Variants in PAPPA2 observed in about 807,000 individuals in gnomAD.
PAPPA2 encodes the protein pappalysin 2.
In PAPPA2, 86 loss-of-function variants were observed where a neutral mutation model predicts 176.4. That is an observed-to-expected ratio of 0.49 (90% CI 0.41 to 0.58). PAPPA2 has a LOEUF of 0.58. Among genes scored for constraint, PAPPA2 ranks in the 20% least tolerant of loss-of-function variants. The pLI, the probability that PAPPA2 is intolerant of heterozygous loss-of-function variation, is 0.00. For synonymous variants in PAPPA2, 809 were observed against 852.2 expected (o/e 0.95, Z 0.88); for missense variants, 2,073 against 2,256.9 (o/e 0.92, Z 1.65).
At chr1:176,484,316 G>C (rs1652550725) in intron 1 of PAPPA2, among the ~76,000 whole-genome samples, 1 of 152,092 alleles carries the variant, frequency 6.6e-6, no homozygotes, top group South Asian at 2.1e-4. Context: ...ATATATATGT[G>C]TATGTGTAGT....
At chr1:176,597,475 T>A (rs1400556788) in intron 3 of PAPPA2, among the ~76,000 whole-genome samples, 1 of 152,060 alleles carries the variant, frequency 6.6e-6, no homozygotes, top group Admixed American at 6.6e-5. Context: ...AAAATTCTGT[T>A]TGGAACAATG....
chr1:176,575,362 CATT>C (rs1402565767), intron 2 of PAPPA2, among the ~76,000 whole-genome samples: 4 of 152,120 alleles, frequency 2.6e-5, no homozygotes, highest in Non-Finnish European at 5.9e-5. Flanking sequence ...TTAATATAAT[CATT>C]ATAATTTTTA....
At chr1:176,637,204 A>G (rs573149724) in intron 3 of PAPPA2, among the ~76,000 whole-genome samples, 3 of 152,208 alleles carry the variant, frequency 2.0e-5, no homozygotes, top group African/African-American at 4.8e-5. Context: ...AGGATAAGGA[A>G]ATAAAAGGCT....
At position 176,518,976 on chromosome 1, in the gene PAPPA2, A is replaced by C. The variant is rs1199253197; in HGVS notation, c.-916-36431A>C. Among the ~76,000 whole-genome samples the C allele has an allele frequency of 2.6e-5, 4 of 152,238 alleles. 1 individual carries two copies. The highest frequency in any genetic ancestry group is 5.9e-5 in the Non-Finnish European group (4 of 68,038). ...TCGTTCTAGAGAGTGGAGACCAGGC[A>C]GACTTAAAATGTCTGAGATGTACTT... On this transcript the variant is annotated intron_variant, in intron 1 of 22. Transcript: ENST00000367662.
chr1:176,466,641 C>G (rs1036075285), intron 1 of PAPPA2, among the ~76,000 whole-genome samples: 1 of 152,082 alleles, frequency 6.6e-6, no homozygotes, highest in African/African-American at 2.4e-5. Context: ...TTGAATGAAT[C>G]AGAGTCTGTG....
chr1:176,730,574 C>T (rs886529296), intron 12 of PAPPA2, among the ~76,000 whole-genome samples: 20 of 150,112 alleles, frequency 1.3e-4, no homozygotes, highest in Non-Finnish European at 3.0e-5. Flanking sequence ...ATTCATCTCT[C>T]GTTTTGTTCT....
chr1:176,672,701 A>G (rs1374842954), intron 4 of PAPPA2, among the ~76,000 whole-genome samples: 1 of 152,216 alleles, frequency 6.6e-6, no homozygotes, highest in South Asian at 2.1e-4. Flanking sequence ...GCTATATGCA[A>G]ATGTATATAT....
intron 2 of PAPPA2, among the ~76,000 whole-genome samples, chr1:176,570,964 C>T (rs911597661): frequency 6.6e-6 from 1 of 152,104 alleles, no homozygotes; most frequent in African/African-American, 2.4e-5. Flanking sequence ...GTTCTCCCTT[C>T]CTGAAAGTCC....
Position 176,817,533 on chromosome 1 carries a change from G to A in PAPPA2, c.5202+17401G>A, listed in dbSNP as rs116301841. On this transcript the variant is annotated intron_variant, in intron 21 of 22. Transcript: ENST00000367662. ...GTGATAAGCAGAATGGTTAGGAGAC[G>A]GTGTCCGTATTTCAAGAGAGAAATA... 1.9e-3 allele frequency among the ~76,000 whole-genome samples: 295 copies of A among 152,176 alleles called. 1 individual carries two copies. The highest frequency in any genetic ancestry group is 6.6e-3 in the African/African-American group (276 of 41,516).
intron 3 of PAPPA2, among the ~76,000 whole-genome samples, chr1:176,613,653 C>T (rs1655052775): frequency 6.6e-6 from 1 of 152,156 alleles, no homozygotes; most frequent in Non-Finnish European, 1.5e-5. Context: ...AGTAGACTCC[C>T]TTACCTTTGT....
intron 3 of PAPPA2, among the ~76,000 whole-genome samples, chr1:176,665,834 G>T (rs1354040612): frequency 1.3e-5 from 2 of 152,124 alleles, no homozygotes; most frequent in Non-Finnish European, 2.9e-5. Context: ...AATTCACTTT[G>T]TCTGAGTTTC....
chr1:176,710,138 T>C lies in PAPPA2; in HGVS notation c.3613T>C (p.Cys1205Arg). Residue 1205 changes from cysteine (C) to arginine (R), a missense_variant, in exon 11 of 23, where the codon TGT (cysteine) becomes CGT (arginine). Physicochemically the swap from Cys to Arg is radical, Grantham distance 180. Coordinates refer to ENST00000367662, the MANE Select transcript of PAPPA2 (RefSeq NM_020318.3). ...CTCCTCTCATGAAGACAAGAAGAAG[T>C]GTCCTGTTTCCTTGGTAACTGGAGA... is the stretch of plus-strand genomic sequence containing the variant. ...AYSSHEDKKK[C>R]PVSLVTGEPH... 1.2e-6 allele frequency: 2 copies of C among 1,613,734 alleles called. No individual in the cohort carries two copies. Among genetic ancestry groups the C allele is most frequent in the Non-Finnish European group, 1.7e-6 (2 of 1,179,726 alleles).
rs35075264 is a variant in PAPPA2, at chr1:176,606,644, T to C, written c.1991+11049T>C. ...CATGCCTGGCTAATTTTTGTATTTTTAGTAGAGATGGGGTTTCACCATATT... is the reference window on the plus strand; with the variant it reads ...CATGCCTGGCTAATTTTTGTATTTTCAGTAGAGATGGGGTTTCACCATATT... On this transcript the variant is annotated intron_variant, in intron 3 of 22. Transcript: ENST00000367662. 4.5e-3 allele frequency among the ~76,000 whole-genome samples: 686 copies of C among 152,070 alleles called. 2 individuals are homozygous for C. Among genetic ancestry groups the C allele is most frequent in the Non-Finnish European group, 8.1e-3 (548 of 67,966 alleles).
chr1:176,572,182 T>G (rs1652385173), intron 2 of PAPPA2, among the ~76,000 whole-genome samples: 1 of 152,244 alleles, frequency 6.6e-6, no homozygotes. Context: ...TCTGATTAAT[T>G]TAAGCCTCTT....
At chr1:176,769,469 G>A in intron 15 of PAPPA2, 138 bp from the exon 16 acceptor site, 2 of 848,372 alleles carry the variant, frequency 2.4e-6, no homozygotes, top group Non-Finnish European at 1.8e-6. Flanking sequence ...AGTGAGGCCT[G>A]AAGAGGGAGA....
At chr1:176,518,478 C>T (rs897468266) in intron 1 of PAPPA2, among the ~76,000 whole-genome samples, 1 of 148,094 alleles carries the variant, frequency 6.8e-6, no homozygotes, top group East Asian at 2.0e-4. Flanking sequence ...AACAAACAAA[C>T]TTACCAGAAG....
intron 12 of PAPPA2, among the ~76,000 whole-genome samples, chr1:176,726,751 C>T (rs992495448): frequency 6.6e-6 from 1 of 152,108 alleles, no homozygotes; most frequent in East Asian, 1.9e-4. Flanking sequence ...TTTGGATTCT[C>T]TAGGAAATAC....
At chr1:176,643,542 ATACCAGGAG>A (rs1242231465) in intron 3 of PAPPA2, among the ~76,000 whole-genome samples, 6 of 151,758 alleles carry the variant, frequency 4.0e-5, no homozygotes, top group African/African-American at 1.2e-4. Context: ...GGTCTAGAGT[ATACCAGGAG>A]TACCAGTATA....
Position 176,793,616 on chromosome 1 carries a change from G to T in PAPPA2, c.5077G>T (p.Glu1693Ter). ...CCCCAGTGACCCCGTGATGCTACCT[G>T]AGAATATCACTGCTGACACTCTGGA... Reference protein sequence around the residue: ...IPPSDPVMLPENITADTLEHW... With the variant: ...IPPSDPVMLP Residue 1693 changes from glutamate (E) to a stop codon, truncating the protein, a stop_gained, in exon 20 of 23, where the codon GAG becomes TAG. Transcript: ENST00000367662. LOFTEE classifies it high-confidence loss of function. 1 of 1,613,306 alleles carries T rather than the reference G, an allele frequency of 6.2e-7. No homozygotes were observed. The highest frequency in any genetic ancestry group is 8.5e-7 in the Non-Finnish European group (1 of 1,179,450).
Sources: allele counts gnomAD v4.1 joint callset (sites outside exome capture counted in the v4.1 genomes callset), GRCh38; gene constraint gnomAD v4.1.1; transcripts MANE v1.5; gene names NCBI Gene and HGNC (gene_info 2026-07-23, HGNC 2026-07-21).